Variants in FIG4 observed in about 807,000 individuals in gnomAD.
FIG4 encodes the protein polyphosphoinositide phosphatase.
In FIG4, 112 loss-of-function variants were observed where a neutral mutation model predicts 118.6. That is an observed-to-expected ratio of 0.94 (90% CI 0.81 to 1.11). FIG4 has a LOEUF of 1.11. Ranked by LOEUF, FIG4 falls within the 50% of genes least tolerant of loss-of-function variation. FIG4 has a pLI of 0.00. For missense variants in FIG4, 969 were observed against 1,111.7 expected (o/e 0.87, Z 1.83); for synonymous variants, 369 against 381.2 (o/e 0.97, Z 0.37).
chr6:109,760,701 G>A (rs978334811), intron 11 of FIG4, among the ~76,000 whole-genome samples: 6 of 152,056 alleles, frequency 3.9e-5, no homozygotes, highest in Non-Finnish European at 7.4e-5. Flanking sequence ...GATGTCACTC[G>A]TGGATGAACC....
At chr6:109,770,105 T>C (rs940140849) in intron 15 of FIG4, among the ~76,000 whole-genome samples, 4 of 152,170 alleles carry the variant, frequency 2.6e-5, no homozygotes, top group African/African-American at 9.7e-5. Flanking sequence ...CACCTTTTAG[T>C]TTTTAATATA....
rs148763452 is a variant in FIG4, at chr6:109,701,103, T to C, written c.66+9602T>C. On this transcript the variant is annotated intron_variant, in intron 1 of 22. Coordinates refer to ENST00000230124, the MANE Select transcript of FIG4 (RefSeq NM_014845.6). Reference sequence around the variant, plus strand: ...TCTGGAGGCGAAGTTCAGGTCGTTATTGTTCTCTGTGTATAGAGGTGGATT... The same window carrying C: ...TCTGGAGGCGAAGTTCAGGTCGTTACTGTTCTCTGTGTATAGAGGTGGATT... 2.8e-3 allele frequency among the ~76,000 whole-genome samples: 421 copies of C among 152,330 alleles called. 2 individuals are homozygous for C. Among genetic ancestry groups the C allele is most frequent in the Non-Finnish European group, 4.8e-3 (324 of 68,020 alleles).
intron 15 of FIG4, among the ~76,000 whole-genome samples, chr6:109,770,357 G>C (rs954675866): frequency 6.6e-6 from 1 of 152,082 alleles, no homozygotes; most frequent in African/African-American, 2.4e-5. Flanking sequence ...GTGTGTGTGT[G>C]TGTATATATA....
intron 22 of FIG4, among the ~76,000 whole-genome samples, chr6:109,813,520 C>A (rs1245563212): frequency 1.3e-5 from 2 of 152,150 alleles, no homozygotes; most frequent in African/African-American, 4.8e-5. Flanking sequence ...ATTTTTATGA[C>A]CTTGACACGT....
At chr6:109,721,715 G>T (rs1017560194) in intron 3 of FIG4, among the ~76,000 whole-genome samples, 4 of 152,184 alleles carry the variant, frequency 2.6e-5, no homozygotes, top group African/African-American at 9.7e-5. Context: ...GGATGTCTAT[G>T]CCAAGCTGAA....
Position 109,692,744 on chromosome 6 carries a change from C to T in FIG4, c.66+1243C>T, listed in dbSNP as rs184529054. Among the ~76,000 whole-genome samples the T allele has an allele frequency of 6.1e-4, 92 of 151,914 alleles. 2 individuals are homozygous for T. In the East Asian group the frequency reaches 0.015, roughly 24 times the overall value. ...CAGAGTCTTGCTCTGTCACCCAGGCCGGAGTGCAGTGGTGCTATCTCGGCT... is the reference window on the plus strand; with the variant it reads ...CAGAGTCTTGCTCTGTCACCCAGGCTGGAGTGCAGTGGTGCTATCTCGGCT... On this transcript the variant is annotated intron_variant, in intron 1 of 22. Coordinates refer to ENST00000230124, the MANE Select transcript of FIG4 (RefSeq NM_014845.6).
chr6:109,785,113 A>C, intron 17 of FIG4, 85 bp downstream of exon 17: 1 of 808,104 alleles, frequency 1.2e-6, no homozygotes, highest in East Asian at 2.4e-5. Context: ...AATCCTTTGC[A>C]CATAGTATTT....
chr6:109,735,367 C>T, intron 6 of FIG4, 69 bp downstream of exon 6: 2 of 1,417,382 alleles, frequency 1.4e-6, no homozygotes, highest in Non-Finnish European at 2.0e-6. Flanking sequence ...ATTAAATTCA[C>T]TCACATTTCC....
intron 1 of FIG4, among the ~76,000 whole-genome samples, chr6:109,695,448 G>C (rs1774681327): frequency 6.6e-6 from 1 of 152,186 alleles, no homozygotes; most frequent in African/African-American, 2.4e-5. Flanking sequence ...TTGTGGTGGA[G>C]AAGGACTCTG....
At chr6:109,754,201 G>A (rs1386079336) in intron 10 of FIG4, among the ~76,000 whole-genome samples, 2 of 152,138 alleles carry the variant, frequency 1.3e-5, no homozygotes, top group African/African-American at 4.8e-5. Context: ...AGATAATCAT[G>A]TGGTTTTTGT....
chr6:109,794,524 G>A (rs1257856647), intron 21 of FIG4, among the ~76,000 whole-genome samples: 1 of 152,200 alleles, frequency 6.6e-6, no homozygotes, highest in African/African-American at 2.4e-5. Context: ...ATTGCAGTAG[G>A]CAGAGGAATC....
chr6:109,793,016 TAGTC>T (rs948791945), intron 21 of FIG4, among the ~76,000 whole-genome samples: 25 of 152,158 alleles, frequency 1.6e-4, no homozygotes, highest in Non-Finnish European at 2.5e-4. Context: ...GAAATGAAAA[TAGTC>T]AGCAATACAG....
intron 1 of FIG4, among the ~76,000 whole-genome samples, chr6:109,710,588 A>G (rs1037722526): frequency 1.3e-5 from 2 of 151,652 alleles, no homozygotes; most frequent in Admixed American, 1.3e-4. Flanking sequence ...CTGGACCTGG[A>G]TTTTTGTTTT....
intron 12 of FIG4, 50 bp downstream of exon 12, chr6:109,762,257 T>C: frequency 8.7e-7 from 1 of 1,149,896 alleles, no homozygotes; most frequent in Non-Finnish European, 1.3e-6. Flanking sequence ...TTTGCTCTTA[T>C]GGGTATTCTA....
intron 22 of FIG4, among the ~76,000 whole-genome samples, chr6:109,798,791 C>T (rs1156714175): frequency 1.3e-5 from 2 of 151,916 alleles, no homozygotes; most frequent in South Asian, 4.1e-4. Flanking sequence ...TTTCTCTCCC[C>T]AACACTATTT....
At chr6:109,785,269 C>T (rs1777919505) in intron 17 of FIG4, among the ~76,000 whole-genome samples, 1 of 152,068 alleles carries the variant, frequency 6.6e-6, no homozygotes, top group Non-Finnish European at 1.5e-5. Context: ...TTGTGTCTTA[C>T]AATTATTATG....
intron 15 of FIG4, among the ~76,000 whole-genome samples, chr6:109,767,637 G>A (rs1429334555): frequency 1.3e-5 from 2 of 152,196 alleles, no homozygotes; most frequent in Non-Finnish European, 2.9e-5. Context: ...TTGGGAGGCC[G>A]AGGTGGGCGG....
chr6:109,758,907 C>T (rs1201851279), intron 10 of FIG4, among the ~76,000 whole-genome samples: 7 of 152,156 alleles, frequency 4.6e-5, no homozygotes, highest in Admixed American at 4.6e-4. Context: ...AATGAGATAC[C>T]ATCTCACGCC....
chr6:109,712,976 A>G (rs752475122), intron 1 of FIG4, among the ~76,000 whole-genome samples: 5 of 151,920 alleles, frequency 3.3e-5, no homozygotes, highest in Non-Finnish European at 7.4e-5. Context: ...GTCGACAGGT[A>G]TTGTTTCTGG....
Sources: gnomAD v4.1 joint callset for allele counts (sites outside exome capture counted in the v4.1 genomes callset) on GRCh38, gnomAD v4.1.1 for gene constraint, MANE v1.5 for transcripts, NCBI Gene and HGNC (gene_info 2026-07-23, HGNC 2026-07-21) for gene names.